Variants in CDKAL1 observed in about 807,000 individuals in gnomAD.
CDKAL1 encodes CDKAL1 threonylcarbamoyladenosine tRNA methylthiotransferase.
Under a neutral mutation model 68.2 loss-of-function variants are expected in CDKAL1, and 32 were observed. That is an observed-to-expected ratio of 0.47 (90% confidence interval 0.35 to 0.63). The LOEUF is 0.63. CDKAL1 is among the 30% of genes least tolerant of loss of function. The pLI, the probability that CDKAL1 is intolerant of heterozygous loss-of-function variation, is 0.00. For missense variants in CDKAL1, 606 were observed against 696.7 expected (o/e 0.87, Z 1.47); for synonymous variants, 234 against 244.3 (o/e 0.96, Z 0.39).
chr6:20,602,633 C>G (rs1050125952), intron 4 of CDKAL1, among the ~76,000 whole-genome samples: 1 of 152,136 alleles, frequency 6.6e-6, no homozygotes, highest in African/African-American at 2.4e-5. Context: ...CCTGATTTAC[C>G]TTTCCTTGGG....
intron 8 of CDKAL1, among the ~76,000 whole-genome samples, chr6:20,804,818 C>A (rs1434276804): frequency 6.6e-6 from 1 of 152,080 alleles, no homozygotes; most frequent in South Asian, 2.1e-4. Context: ...TTTCCCTAAG[C>A]TGATAAAAGC....
intron 11 of CDKAL1, among the ~76,000 whole-genome samples, chr6:21,011,847 G>A (rs1768040084): frequency 1.3e-5 from 2 of 151,900 alleles, no homozygotes; most frequent in African/African-American, 4.8e-5. Flanking sequence ...TTTTAACTAG[G>A]TTACATACAT....
chr6:21,188,871 T>TACTC (rs1778126209), intron 13 of CDKAL1, among the ~76,000 whole-genome samples: 1 of 152,200 alleles, frequency 6.6e-6, no homozygotes, highest in Non-Finnish European at 1.5e-5. Context: ...TGCTCTAGAA[T>TACTC]ACTCAGAATG....
intron 10 of CDKAL1, among the ~76,000 whole-genome samples, chr6:20,999,663 T>TAAAAAA (rs36078234): frequency 1.7e-3 from 155 of 93,294 alleles, no homozygotes; most frequent in Non-Finnish European, 1.9e-3. Flanking sequence ...TGACTGAAAT[T>TAAAAAA]AAAAAAAAAA....
chr6:20,725,782 C>CT (rs1419103033), intron 5 of CDKAL1, among the ~76,000 whole-genome samples: 1 of 101,974 alleles, frequency 9.8e-6, no homozygotes, highest in Non-Finnish European at 1.8e-5. Context: ...GAAACTCCGT[C>CT]TAAAAAAAAA....
At chr6:20,746,044 G>A (rs763598711) in intron 6 of CDKAL1, among the ~76,000 whole-genome samples, 53 of 152,108 alleles carry the variant, frequency 3.5e-4, no homozygotes, top group Non-Finnish European at 6.9e-4. Context: ...GTTGAATTTT[G>A]TTTTTATTGC....
intron 5 of CDKAL1, among the ~76,000 whole-genome samples, chr6:20,729,844 T>C (rs1392670548): frequency 6.6e-6 from 1 of 152,226 alleles, no homozygotes; most frequent in Non-Finnish European, 1.5e-5. Flanking sequence ...TCATGTTAGC[T>C]ACTCCTCGTG....
intron 11 of CDKAL1, among the ~76,000 whole-genome samples, chr6:21,028,786 G>A (rs1304266726): frequency 1.3e-5 from 2 of 152,090 alleles, no homozygotes; most frequent in Non-Finnish European, 2.9e-5. Context: ...TGGCTCAAAG[G>A]CACATAACTA....
chr6:20,848,752 G>A (rs978046996), intron 9 of CDKAL1, among the ~76,000 whole-genome samples: 4 of 151,476 alleles, frequency 2.6e-5, no homozygotes, highest in African/African-American at 9.7e-5. Flanking sequence ...AGATAATCCA[G>A]TGTGTTCAGG....
At chr6:20,976,125 C>A (rs763501505) in intron 10 of CDKAL1, among the ~76,000 whole-genome samples, 1 of 152,092 alleles carries the variant, frequency 6.6e-6, no homozygotes, top group South Asian at 2.1e-4. Context: ...TGCAATCATA[C>A]CCTTTTCAGA....
intron 5 of CDKAL1, among the ~76,000 whole-genome samples, chr6:20,659,440 C>T (rs1490015119): frequency 6.6e-6 from 1 of 152,106 alleles, no homozygotes; most frequent in Non-Finnish European, 1.5e-5. Flanking sequence ...TATCCTTGCC[C>T]ACCAAAAAGT....
intron 12 of CDKAL1, among the ~76,000 whole-genome samples, chr6:21,102,861 C>T (rs1389760679): frequency 6.6e-6 from 1 of 152,166 alleles, no homozygotes; most frequent in Non-Finnish European, 1.5e-5. Context: ...TTCCTCCTAC[C>T]TTTCTGCTTC....
intron 4 of CDKAL1, among the ~76,000 whole-genome samples, chr6:20,604,970 G>A (rs1766271039): frequency 6.6e-6 from 1 of 152,186 alleles, no homozygotes; most frequent in Non-Finnish European, 1.5e-5. Flanking sequence ...TTCCACTAGA[G>A]GATACAACAG....
intron 13 of CDKAL1, among the ~76,000 whole-genome samples, chr6:21,143,666 TA>T (rs1050899997): frequency 6.6e-6 from 1 of 152,198 alleles, no homozygotes; most frequent in African/African-American, 2.4e-5. Flanking sequence ...TATGAAACCA[TA>T]AAAATGATCA....
At chr6:20,949,712 A>AT (rs1267756113) in intron 9 of CDKAL1, among the ~76,000 whole-genome samples, 3 of 151,924 alleles carry the variant, frequency 2.0e-5, no homozygotes, top group African/African-American at 4.8e-5. Context: ...AACACACTGT[A>AT]TTAACAGAAT....
rs143703623 is a variant in CDKAL1, at chr6:21,104,633, A to T, written c.1237-3768A>T. 2.6e-5 allele frequency among the ~76,000 whole-genome samples: 4 copies of T among 152,260 alleles called. No individual in the cohort carries two copies. In the East Asian group the frequency reaches 7.7e-4, roughly 29 times the overall value. ...GGATTGTGTGACTGATCTCAGAGGG[A>T]AGAATAGCAGTGGTTTTCAGTTAAC... On this transcript the variant is annotated intron_variant, in intron 12 of 15. Coordinates refer to ENST00000274695, the MANE Select transcript of CDKAL1 (RefSeq NM_017774.3).
At chr6:21,099,723 G>A (rs971971237) in intron 12 of CDKAL1, among the ~76,000 whole-genome samples, 2 of 152,244 alleles carry the variant, frequency 1.3e-5, no homozygotes, top group Admixed American at 6.5e-5. Context: ...TACAAAGGAC[G>A]TTTGAATGAA....
chr6:20,996,454 C>T (rs535433877), intron 10 of CDKAL1, among the ~76,000 whole-genome samples: 1 of 152,242 alleles, frequency 6.6e-6, no homozygotes, highest in East Asian at 1.9e-4. Context: ...TATTTAAAGG[C>T]CTTCGTCAGG....
At chr6:21,185,476 T>C (rs538004832) in intron 13 of CDKAL1, among the ~76,000 whole-genome samples, 10 of 152,194 alleles carry the variant, frequency 6.6e-5, no homozygotes, top group South Asian at 2.1e-4. Context: ...TTATTCTTGG[T>C]TTAAATGTAT....
Sources: allele counts gnomAD v4.1 joint callset (sites outside exome capture counted in the v4.1 genomes callset), GRCh38; gene constraint gnomAD v4.1.1; transcripts MANE v1.5; gene names NCBI Gene and HGNC (gene_info 2026-07-23, HGNC 2026-07-21).